The following CEP128 variants were observed in gnomAD, a reference collection of about 807,000 sequenced individuals.
CEP128 encodes centrosomal protein 128kDa.
CEP128 carries 132 observed loss-of-function variants against 156.7 expected under a neutral mutation model. The ratio of observed to expected loss-of-function variants is 0.84; its 90% CI spans 0.73 to 0.97. The LOEUF is 0.97. Ranked by LOEUF, CEP128 falls within the 50% of genes least tolerant of loss-of-function variation. The pLI, the probability that CEP128 is intolerant of heterozygous loss-of-function variation, is 0.00. For synonymous variants in CEP128, 469 were observed against 448.9 expected (o/e 1.04, Z -0.57); for missense variants, 1,252 against 1,281.9 (o/e 0.98, Z 0.36).
chr14:80,562,202 A>C (rs1379180350), intron 20 of CEP128, among the ~76,000 whole-genome samples: 4 of 152,156 alleles, frequency 2.6e-5, no homozygotes, highest in Non-Finnish European at 5.9e-5. Flanking sequence ...CAATAAATAA[A>C]TATATTTGAA....
At chr14:80,652,791 A>G (rs889160989) in intron 19 of CEP128, among the ~76,000 whole-genome samples, 1 of 152,186 alleles carries the variant, frequency 6.6e-6, no homozygotes, top group Admixed American at 6.6e-5. Context: ...TGATTCCTCA[A>G]GGATCTAGAA....
At chr14:80,933,125 C>A (rs754037653) in intron 2 of CEP128, among the ~76,000 whole-genome samples, 1 of 152,068 alleles carries the variant, frequency 6.6e-6, no homozygotes, top group African/African-American at 2.4e-5. Flanking sequence ...GACAACCTCA[C>A]AGTCAATCCC....
intron 24 of CEP128, among the ~76,000 whole-genome samples, 192 bp downstream of exon 24, chr14:80,504,720 A>G (rs1250879665): frequency 1.3e-5 from 2 of 152,230 alleles, no homozygotes; most frequent in African/African-American, 4.8e-5. Flanking sequence ...AAAGTCTAAA[A>G]AGGAGGGATT....
intron 19 of CEP128, among the ~76,000 whole-genome samples, chr14:80,723,279 TAAC>T (rs1445130674): frequency 1.3e-5 from 2 of 152,194 alleles, no homozygotes. Context: ...CACTATTTGA[TAAC>T]AACAACTTTT....
rs559772760 is a variant in CEP128 at position 80,729,549 on chromosome 14, G to A, written c.2806+13526C>T. On this transcript the variant is annotated intron_variant, in intron 19 of 24. Coordinates refer to ENST00000555265, the MANE Select transcript of CEP128 (RefSeq NM_152446.5). ...TAAATTCCCTCTGGGTAGATGCCCC[G>A]TAGTGAGACTGCTAGATCAAATGGT... 4.6e-5 allele frequency among the ~76,000 whole-genome samples: 7 copies of A among 152,168 alleles called. 1 individual carries two copies. Among genetic ancestry groups the A allele is most frequent in the Non-Finnish European group, 8.8e-5 (6 of 68,006 alleles).
chr14:80,951,365 T>G (rs1464286285), intron 2 of CEP128, among the ~76,000 whole-genome samples: 2 of 152,044 alleles, frequency 1.3e-5, no homozygotes, highest in Non-Finnish European at 2.9e-5. Context: ...AGAGGAGAAA[T>G]GGAGTATAAA....
intron 23 of CEP128, among the ~76,000 whole-genome samples, chr14:80,507,847 A>G (rs951735277): frequency 6.6e-6 from 1 of 152,178 alleles, no homozygotes; most frequent in Admixed American, 6.5e-5. Flanking sequence ...TTAAATTTCT[A>G]AAAAAAAGTC....
intron 13 of CEP128, among the ~76,000 whole-genome samples, chr14:80,820,254 C>T (rs1885092481): frequency 6.6e-6 from 1 of 152,000 alleles, no homozygotes; most frequent in African/African-American, 2.4e-5. Context: ...TTTTCTCGTG[C>T]CTTTTGGTAG....
intron 19 of CEP128, among the ~76,000 whole-genome samples, chr14:80,664,430 A>G (rs922543552): frequency 6.6e-6 from 1 of 152,094 alleles, no homozygotes; most frequent in Non-Finnish European, 1.5e-5. Flanking sequence ...AGAGGGACAT[A>G]GCCAGCAAGC....
intron 5 of CEP128, chr14:80,905,714 T>G: frequency 3.0e-6 from 1 of 334,540 alleles, no homozygotes; most frequent in South Asian, 4.4e-5. Flanking sequence ...TAAATCTAAG[T>G]TTTTGTCAGG....
intron 13 of CEP128, among the ~76,000 whole-genome samples, chr14:80,799,034 C>T (rs1883665650): frequency 6.6e-6 from 1 of 152,182 alleles, no homozygotes; most frequent in Admixed American, 6.5e-5. Flanking sequence ...AACTGCCAGA[C>T]TGTAATGACT....
At chr14:80,681,308 G>A (rs1455320850) in intron 19 of CEP128, among the ~76,000 whole-genome samples, 1 of 152,198 alleles carries the variant, frequency 6.6e-6, no homozygotes, top group African/African-American at 2.4e-5. Flanking sequence ...ATCTCCAGAT[G>A]AGAAAGAACC....
chr14:80,623,678 G>A (rs1304284866), intron 19 of CEP128, among the ~76,000 whole-genome samples: 1 of 151,346 alleles, frequency 6.6e-6, no homozygotes, highest in Admixed American at 6.6e-5. Context: ...TGTAAAAGCA[G>A]TATCATTAAA....
intron 20 of CEP128, among the ~76,000 whole-genome samples, chr14:80,573,073 C>A (rs1184077719): frequency 6.7e-6 from 1 of 150,074 alleles, no homozygotes; most frequent in African/African-American, 2.5e-5. Context: ...CAGGTGTGGG[C>A]TACCACGCCT....
chr14:80,941,988 G>T (rs1190629743), upstream of CEP128, among the ~76,000 whole-genome samples: 1 of 151,968 alleles, frequency 6.6e-6, no homozygotes, highest in Non-Finnish European at 1.5e-5. Context: ...TCCTTTGTAG[G>T]AGGCAAACTC....
chr14:80,630,975 C>T lies in CEP128; in HGVS notation c.2807-50552G>A, dbSNP rs79790084. 3.3e-5 allele frequency among the ~76,000 whole-genome samples: 5 copies of T among 152,022 alleles called. No individual in the cohort carries two copies. The East Asian group carries it at 7.7e-4, about 23-fold the overall frequency. The stretch of plus-strand genomic sequence containing the variant: ...CAACTGTAAAAGAAAACATGCAGTG[C>T]CTACTTTCTCAAAGGGTAATTTTTA... On this transcript the variant is annotated intron_variant, in intron 19 of 24. Coordinates refer to ENST00000555265, the MANE Select transcript of CEP128 (RefSeq NM_152446.5).
At chr14:80,640,353 T>A (rs1894357122) in intron 19 of CEP128, among the ~76,000 whole-genome samples, 1 of 152,222 alleles carries the variant, frequency 6.6e-6, no homozygotes, top group Non-Finnish European at 1.5e-5. Context: ...TACTACTTCA[T>A]TCAAATATTA....
At chr14:80,866,833 AAAT>A (rs1479827162) in intron 8 of CEP128, among the ~76,000 whole-genome samples, 1 of 152,196 alleles carries the variant, frequency 6.6e-6, no homozygotes, top group Non-Finnish European at 1.5e-5. Context: ...TAATCATCTT[AAAT>A]AAGTTCAGTG....
intron 19 of CEP128, among the ~76,000 whole-genome samples, chr14:80,587,667 T>C (rs1891875777): frequency 6.6e-6 from 1 of 152,170 alleles, no homozygotes; most frequent in Non-Finnish European, 1.5e-5. Flanking sequence ...TTAAGTTTTC[T>C]GTCATTTCTA....
Sources: gnomAD v4.1 joint callset for allele counts (sites outside exome capture counted in the v4.1 genomes callset) on GRCh38, gnomAD v4.1.1 for gene constraint, MANE v1.5 for transcripts, NCBI Gene and HGNC (gene_info 2026-07-23, HGNC 2026-07-21) for gene names.